TECPR2: variants seen among roughly 807,000 people sequenced by gnomAD.
The protein encoded by TECPR2 is tectonin beta-propeller repeat-containing protein 2.
Under a neutral mutation model 138.1 loss-of-function variants are expected in TECPR2, and 65 were observed. The observed-to-expected ratio is 0.47, with a 90% CI of 0.39 to 0.58. The LOEUF is 0.58. TECPR2 is among the 20% of genes least tolerant of loss of function. The probability of loss-of-function intolerance (pLI) is 0.00; values close to 1 mark genes in which losing one functional copy is unlikely to be tolerated. For missense variants in TECPR2, 1,553 were observed against 1,824.5 expected (o/e 0.85, Z 2.71); for synonymous variants, 746 against 749.8 (o/e 0.99, Z 0.08).
rs1387445556 is a variant in TECPR2 at position 102,498,417 on chromosome 14, C to T, written c.*160C>T. The T allele has an allele frequency of 6.3e-6, 6 of 958,054 alleles. No homozygotes were observed. The highest frequency in any genetic ancestry group is 5.3e-5 in the East Asian group (2 of 37,720). The allele number at this position is 958,054 out of a possible 1,614,324, so 59.3% of individuals were successfully genotyped here. A position where few individuals can be genotyped will look rare whatever the true frequency, so the allele number is the denominator to read the frequency against. On this transcript the variant is annotated 3_prime_UTR_variant, in exon 20 of 20. Coordinates refer to ENST00000359520, the MANE Select transcript of TECPR2 (RefSeq NM_014844.5). ...CTTTCATCTATGTTGGTTTCTGTCTCGTTCCAGAACCCACAGCCTCCACCC... is the reference window on the plus strand; with the variant it reads ...CTTTCATCTATGTTGGTTTCTGTCTTGTTCCAGAACCCACAGCCTCCACCC...
chr14:102,473,853 T>A (rs1398449717), intron 17 of TECPR2, among the ~76,000 whole-genome samples: 1 of 152,224 alleles, frequency 6.6e-6, no homozygotes, highest in Non-Finnish European at 1.5e-5. Context: ...AAGTTTCACA[T>A]TCTGTGTGCC....
intron 2 of TECPR2, 86 bp from the exon 3 acceptor site, chr14:102,407,252 T>G: frequency 6.8e-7 from 1 of 1,477,036 alleles, no homozygotes; most frequent in Non-Finnish European, 9.0e-7. Flanking sequence ...TGATGAAGTT[T>G]TTCACTCCTT....
intron 1 of TECPR2, among the ~76,000 whole-genome samples, 196 bp downstream of exon 1, chr14:102,363,312 G>C (rs988205900): frequency 2.0e-5 from 3 of 152,158 alleles, no homozygotes; most frequent in Non-Finnish European, 4.4e-5. Context: ...CACAACACAC[G>C]GAGCGCCTGG....
At chr14:102,480,841 GTTTTTTTT>G (rs71119706) in intron 17 of TECPR2, among the ~76,000 whole-genome samples, 2 of 75,182 alleles carry the variant, frequency 2.7e-5, no homozygotes, top group Non-Finnish European at 4.7e-5. Context: ...TTGGTTTTGG[GTTTTTTTT>G]TTTTTTTTTT....
At chr14:102,434,140 A>AT in intron 8 of TECPR2, 95 bp from the exon 9 acceptor site, 13 of 1,191,498 alleles carry the variant, frequency 1.1e-5, no homozygotes, top group South Asian at 3.7e-5. Context: ...TTTATTTAAA[A>AT]TTTTTTTTCT....
chr14:102,469,136 A>G (rs977595145), intron 17 of TECPR2, among the ~76,000 whole-genome samples: 1 of 152,196 alleles, frequency 6.6e-6, no homozygotes, highest in African/African-American at 2.4e-5. Flanking sequence ...TGCAAAAAAA[A>G]ATACTAACTG....
intron 9 of TECPR2, chr14:102,437,285 G>T (rs912341851): frequency 1.2e-6 from 1 of 818,138 alleles, no homozygotes; most frequent in Non-Finnish European, 1.5e-6. Flanking sequence ...AGTGGCTCAC[G>T]CCTGTAATCC....
intron 10 of TECPR2, among the ~76,000 whole-genome samples, chr14:102,439,819 G>A (rs1020523681): frequency 3.9e-5 from 6 of 152,152 alleles, no homozygotes; most frequent in Non-Finnish European, 7.3e-5. Context: ...TGCCTGCGTC[G>A]GCCTGCTCCA....
In TECPR2 at chr14:102,497,600, C is replaced by G. The variant is rs1266377375; in HGVS notation, c.3962C>G (p.Thr1321Ser). ...GLQACQLALS[T>S]RTVWARCPNG... ...CAGGCCTGCCAGCTGGCGCTGAGCA[C>G]CAGGACCGTGTGGGCCCGCTGTCCA... is the stretch of plus-strand genomic sequence containing the variant. Residue 1321 changes from threonine to serine, a missense_variant, in exon 19 of 20, where the codon ACC (threonine) becomes AGC (serine). By Grantham distance (58) the Thr-to-Ser change is moderately conservative. Coordinates refer to ENST00000359520, the MANE Select transcript of TECPR2 (RefSeq NM_014844.5). 6.2e-7 allele frequency: 1 copy of G among 1,608,098 alleles called. No homozygotes were observed. The highest frequency in any genetic ancestry group is 8.5e-7 in the Non-Finnish European group (1 of 1,177,738).
At chr14:102,430,683 C>T (rs965688449) in intron 7 of TECPR2, among the ~76,000 whole-genome samples, 1 of 152,186 alleles carries the variant, frequency 6.6e-6, no homozygotes, top group African/African-American at 2.4e-5. Context: ...AAAGATGAGT[C>T]CACTGCAGTG....
chr14:102,467,573 C>T (rs932952846), intron 17 of TECPR2, among the ~76,000 whole-genome samples: 10 of 151,844 alleles, frequency 6.6e-5, no homozygotes, highest in African/African-American at 1.9e-4. Flanking sequence ...AATCCACCCT[C>T]CCCCGGCCTC....
At chr14:102,417,845 G>C (rs1889069521) in intron 5 of TECPR2, among the ~76,000 whole-genome samples, 1 of 150,010 alleles carries the variant, frequency 6.7e-6, no homozygotes, top group African/African-American at 2.5e-5. Context: ...CCGTGGGGAG[G>C]CTGCCACGGG....
chr14:102,411,698 T>TAAAAAAAAAAAAAAAAA lies in TECPR2; in HGVS notation c.481-2938_481-2937insAAAAAAAAAAAAAAAAA, dbSNP rs1219515960. 5.1e-3 allele frequency among the ~76,000 whole-genome samples: 49 copies of TAAAAAAAAAAAAAAAAA among 9,680 alleles called. 2 individuals carry two copies. Among genetic ancestry groups the TAAAAAAAAAAAAAAAAA allele is most frequent in the South Asian group, 9.8e-3 (2 of 204 alleles). 6.4% of individuals were successfully genotyped at this position (9,680 alleles called of 152,430 possible). On this transcript the variant is annotated intron_variant, in intron 4 of 19. Transcript: ENST00000359520. ...CAGGTGAAATAAACAGCCATGTTGC[T>TAAAAAAAAAAAAAAAAA]CAAAAAAAAAAAAAAAAAAAAAAAA...
chr14:102,376,619 A>T, intron 1 of TECPR2, 31 bp from the exon 2 acceptor site: 1 of 1,022,178 alleles, frequency 9.8e-7, no homozygotes, highest in Non-Finnish European at 1.5e-6. Context: ...ATGACTAGGC[A>T]TTGAAAGGAT....
Position 102,449,741 on chromosome 14 carries a change from A to G in TECPR2, c.3188A>G (p.Asp1063Gly). The G allele has an allele frequency of 6.2e-7, 1 of 1,614,196 alleles. No homozygotes were observed. Among genetic ancestry groups the G allele is most frequent in the Non-Finnish European group, 8.5e-7 (1 of 1,180,036 alleles). Reference protein sequence around the residue: ...AAQAPVEKVADKLRMAFWSQQ... With the variant: ...AAQAPVEKVAGKLRMAFWSQQ... The stretch of plus-strand genomic sequence containing the variant: ...CAAGCCCCCGTAGAAAAGGTGGCAG[A>G]TAAGCTGCGCATGGCGTTTTGGTCC... The change falls in exon 14 of 20, where the codon GAT becomes GGT. Residue 1063 changes from aspartate (D) to glycine (G), a missense_variant. By Grantham distance (94) the Asp-to-Gly change is moderately conservative (BLOSUM62 -1). Transcript: ENST00000359520.
At chr14:102,397,507 G>C (rs1888346272) in intron 2 of TECPR2, among the ~76,000 whole-genome samples, 1 of 152,254 alleles carries the variant, frequency 6.6e-6, no homozygotes, top group African/African-American at 2.4e-5. Flanking sequence ...AGCACTTGGG[G>C]AGGCCAAGGC....
rs541645193 is a variant in TECPR2 at position 102,426,089 on chromosome 14, G to A, written c.951+798G>A. On this transcript the variant is annotated intron_variant, in intron 6 of 19. Transcript: ENST00000359520. ...TTTAGTAGAGACAGGGTTTCACCATGTTGGCCAGGCTGGTCTCGAACTCCT... is the reference window on the plus strand; with the variant it reads ...TTTAGTAGAGACAGGGTTTCACCATATTGGCCAGGCTGGTCTCGAACTCCT... 7.2e-5 allele frequency among the ~76,000 whole-genome samples: 11 copies of A among 151,926 alleles called. 1 individual carries two copies. In the South Asian group the frequency reaches 1.7e-3, roughly 23 times the overall value.
chr14:102,366,683 G>GT (rs1331780916), intron 1 of TECPR2, among the ~76,000 whole-genome samples: 2 of 152,208 alleles, frequency 1.3e-5, no homozygotes, highest in Non-Finnish European at 2.9e-5. Flanking sequence ...TTGTTTTGCA[G>GT]TAAGACCTGA....
At chr14:102,447,069 A>T (rs75558810) in intron 13 of TECPR2, among the ~76,000 whole-genome samples, 6,364 of 152,314 alleles carry the variant, frequency 0.042, 158 homozygotes, top group Middle Eastern at 0.092. Context: ...AGGAAACACT[A>T]TAAGAAACAG....
Sources: gnomAD v4.1 joint callset for allele counts (sites outside exome capture counted in the v4.1 genomes callset) on GRCh38, gnomAD v4.1.1 for gene constraint, MANE v1.5 for transcripts, NCBI Gene and HGNC (gene_info 2026-07-23, HGNC 2026-07-21) for gene names.